Variants in RUNX2 observed in about 807,000 individuals in gnomAD.
RUNX2 encodes RUNX family transcription factor 2.
RUNX2 carries 10 observed loss-of-function variants against 51.7 expected under a neutral mutation model. The observed-to-expected ratio is 0.19, with a 90% CI of 0.12 to 0.33. The LOEUF (loss-of-function observed/expected upper bound fraction) is 0.33, where lower values mean the gene tolerates loss of function less well. RUNX2 is among the 10% of genes least tolerant of loss of function. The pLI is 1.00. For missense variants in RUNX2, 562 were observed against 691.3 expected (o/e 0.81, Z 2.10); for synonymous variants, 276 against 273.6 (o/e 1.01, Z -0.09).
chr6:45,404,878 A>T (rs1797799785), intron 2 of RUNX2, among the ~76,000 whole-genome samples: 1 of 152,276 alleles, frequency 6.6e-6, no homozygotes, highest in Admixed American at 6.5e-5. Context: ...TATACGAACC[A>T]GCAAACTTGG....
intron 2 of RUNX2, among the ~76,000 whole-genome samples, chr6:45,347,705 G>C (rs1791169161): frequency 6.6e-6 from 1 of 151,240 alleles, no homozygotes; most frequent in African/African-American, 2.4e-5. Flanking sequence ...TTAAATAGAA[G>C]AGTGAAATCC....
chr6:45,441,727 T>G (rs1798847270), intron 5 of RUNX2, among the ~76,000 whole-genome samples: 1 of 152,206 alleles, frequency 6.6e-6, no homozygotes, highest in African/African-American at 2.4e-5. Flanking sequence ...TAATAAGTAT[T>G]ATAAATTATG....
chr6:45,439,907 A>G (rs1798794407), intron 5 of RUNX2, among the ~76,000 whole-genome samples: 1 of 151,044 alleles, frequency 6.6e-6, no homozygotes, highest in South Asian at 2.1e-4. Flanking sequence ...ATTAGTCAAT[A>G]GACTAATTTA....
intron 5 of RUNX2, among the ~76,000 whole-genome samples, chr6:45,489,127 A>G (rs913132363): frequency 6.6e-6 from 1 of 152,160 alleles, no homozygotes; most frequent in Non-Finnish European, 1.5e-5. Flanking sequence ...TTGTGGTTGC[A>G]GTGGTGTCTG....
chr6:45,528,420 A>C (rs1252408470), intron 7 of RUNX2, among the ~76,000 whole-genome samples: 1 of 152,162 alleles, frequency 6.6e-6, no homozygotes, highest in Non-Finnish European at 1.5e-5. Flanking sequence ...CAGGAGTTCA[A>C]GATTAGCCTG....
At chr6:45,499,556 AGGT>A (rs1563112978) in intron 6 of RUNX2, among the ~76,000 whole-genome samples, 1 of 152,186 alleles carries the variant, frequency 6.6e-6, no homozygotes, top group Non-Finnish European at 1.5e-5. Flanking sequence ...AGCTTCTTAA[AGGT>A]GCTCTGTTTG....
At chr6:45,395,201 T>TG (rs758138185) in intron 2 of RUNX2, among the ~76,000 whole-genome samples, 20 of 152,306 alleles carry the variant, frequency 1.3e-4, no homozygotes, top group Non-Finnish European at 2.6e-4. Flanking sequence ...GAAGAATGGT[T>TG]GGTTTTCAGT....
intron 5 of RUNX2, among the ~76,000 whole-genome samples, chr6:45,453,254 A>G (rs1427899021): frequency 6.6e-6 from 1 of 152,168 alleles, no homozygotes; most frequent in Non-Finnish European, 1.5e-5. Context: ...GTGGGAAGGA[A>G]AATCAGCTGG....
At chr6:45,472,641 T>C (rs752463748) in intron 5 of RUNX2, among the ~76,000 whole-genome samples, 9 of 152,208 alleles carry the variant, frequency 5.9e-5, no homozygotes, top group Non-Finnish European at 1.0e-4. Flanking sequence ...TGTGCTGGCT[T>C]GTATCTGGTT....
intron 2 of RUNX2, among the ~76,000 whole-genome samples, chr6:45,403,229 C>CTTTTTTTTTTTT (rs201142802): frequency 9.2e-6 from 1 of 108,828 alleles, no homozygotes; most frequent in Admixed American, 1.0e-4. Context: ...GTTTGAGTTT[C>CTTTTTTTTTTTT]TTTTTTTTTT....
chr6:45,547,315 G>A lies in RUNX2; in HGVS notation c.*10G>A, dbSNP rs1474055232. On this transcript the variant is annotated 3_prime_UTR_variant, in exon 9 of 9. Transcript: ENST00000647337. Reference sequence around the variant, plus strand: ...TTGGCGACCATATTGAAATTCCTCAGCAGTGGCCCAGTGGTATCTGGGGGC... The same window carrying A: ...TTGGCGACCATATTGAAATTCCTCAACAGTGGCCCAGTGGTATCTGGGGGC... 1.4e-5 allele frequency: 22 copies of A among 1,606,462 alleles called. No homozygotes were observed. The highest frequency in any genetic ancestry group is 1.9e-5 in the Non-Finnish European group (22 of 1,173,448).
At chr6:45,365,077 A>G in intron 2 of RUNX2, 1 of 669,660 alleles carries the variant, frequency 1.5e-6, no homozygotes, top group Non-Finnish European at 2.3e-6. Flanking sequence ...ACAGTATTTC[A>G]TTTTTACTTG....
At chr6:45,433,795 AAGAC>A (rs1255464057) in intron 4 of RUNX2, among the ~76,000 whole-genome samples, 1 of 152,228 alleles carries the variant, frequency 6.6e-6, no homozygotes, top group Non-Finnish European at 1.5e-5. Flanking sequence ...TTTAAAAAAA[AAGAC>A]AGACTTAACT....
intron 2 of RUNX2, among the ~76,000 whole-genome samples, chr6:45,404,430 C>A (rs1689921348): frequency 6.6e-6 from 1 of 152,178 alleles, no homozygotes; most frequent in African/African-American, 2.4e-5. Context: ...TTCACTACTT[C>A]CTCCTCTGTG....
chr6:45,474,998 C>T (rs1353846881), intron 5 of RUNX2, among the ~76,000 whole-genome samples: 3 of 151,938 alleles, frequency 2.0e-5, no homozygotes, highest in South Asian at 4.2e-4. Context: ...GTGGCACGTG[C>T]CTGTAATCCC....
chr6:45,422,599 G>A lies in RUNX2; in HGVS notation c.65G>A (p.Ser22Asn), dbSNP rs768497827. 1.2e-6 allele frequency: 2 copies of A among 1,602,668 alleles called. No homozygotes were observed. The highest frequency in any genetic ancestry group is 4.5e-5 in the East Asian group (2 of 43,986). ...GTGATGCGTATTCCCGTAGATCCGA[G>A]CACCAGCCGGCGCTTCAGCCCCCCC... is the stretch of plus-strand genomic sequence containing the variant. ...PCQQNFFWDP[S>N]TSRRFSPPSS... Residue 22 changes from serine (S) to asparagine (N), a missense_variant, in exon 3 of 9, where the codon AGC (serine) becomes AAC (asparagine). Around this residue, in one of 5 missense-constraint regions of RUNX2, gnomAD observed 153 missense variants for 144.8 expected, o/e 1.06. Transcript: ENST00000647337.
intron 2 of RUNX2, among the ~76,000 whole-genome samples, chr6:45,389,930 T>A (rs1167208861): frequency 1.3e-5 from 2 of 151,548 alleles, no homozygotes; most frequent in African/African-American, 4.9e-5. Flanking sequence ...CACTTGAACC[T>A]GGGAGATGGA....
At chr6:45,496,000 T>TC (rs899860680) in intron 6 of RUNX2, among the ~76,000 whole-genome samples, 4 of 152,138 alleles carry the variant, frequency 2.6e-5, no homozygotes, top group African/African-American at 7.2e-5. Context: ...GCCCAGGGCC[T>TC]CCCCACAGCT....
chr6:45,364,341 A>G (rs754379609), intron 2 of RUNX2, among the ~76,000 whole-genome samples: 1 of 152,206 alleles, frequency 6.6e-6, no homozygotes, highest in Non-Finnish European at 1.5e-5. Flanking sequence ...AACAGTAATC[A>G]TCACATAGTG....
Sources: gnomAD v4.1 joint callset for allele counts (sites outside exome capture counted in the v4.1 genomes callset) on GRCh38, gnomAD v4.1.1 for gene constraint, gnomAD v4.1.1 regional missense constraint, MANE v1.5 for transcripts, NCBI Gene and HGNC (gene_info 2026-07-23, HGNC 2026-07-21) for gene names.